The following NRXN1 variants were observed in gnomAD, a reference collection of about 807,000 sequenced individuals.
The protein encoded by NRXN1 is neurexin-1.
Under a neutral mutation model 150.9 loss-of-function variants are expected in NRXN1, and 39 were observed. The ratio of observed to expected loss-of-function variants is 0.26; its 90% confidence interval spans 0.20 to 0.34. The LOEUF is 0.34. Ranked by LOEUF, NRXN1 falls within the 10% of genes least tolerant of loss-of-function variation. The probability of loss-of-function intolerance (pLI) is 1.00; values close to 1 mark genes in which losing one functional copy is unlikely to be tolerated. For missense variants in NRXN1, 1,815 were observed against 1,949.9 expected, an observed-to-expected ratio of 0.93 and a Z score of 1.30; for synonymous variants, 924 against 757.0, an observed-to-expected ratio of 1.22 and a Z score of -3.62.
chr2:50,963,286 G>A (rs1021131706), intron 2 of NRXN1, among the ~76,000 whole-genome samples: 2 of 151,416 alleles, frequency 1.3e-5, no homozygotes, highest in Non-Finnish European at 3.0e-5. Flanking sequence ...ACTCAGACAT[G>A]GCCTTTCTAA....
At chr2:50,660,813 T>G (rs1687190512) in intron 5 of NRXN1, among the ~76,000 whole-genome samples, 2 of 152,010 alleles carry the variant, frequency 1.3e-5, no homozygotes, top group Non-Finnish European at 2.9e-5. Context: ...CATCAATATA[T>G]CCAACAAATA....
intron 18 of NRXN1, among the ~76,000 whole-genome samples, chr2:50,097,065 T>A (rs942356276): frequency 5.3e-5 from 8 of 152,162 alleles, no homozygotes; most frequent in Non-Finnish European, 8.8e-5. Flanking sequence ...CATACAGACA[T>A]GTTACATAAG....
chr2:50,661,943 C>T (rs1687363063), intron 5 of NRXN1, among the ~76,000 whole-genome samples: 1 of 152,048 alleles, frequency 6.6e-6, no homozygotes, highest in African/African-American at 2.4e-5. Context: ...TTGGTCTGTC[C>T]ATCACTGCAA....
chr2:50,558,898 C>T (rs1277037830), intron 8 of NRXN1, among the ~76,000 whole-genome samples: 4 of 151,946 alleles, frequency 2.6e-5, no homozygotes, highest in African/African-American at 4.8e-5. Context: ...CTGGCTAACA[C>T]GGTGAAACCC....
At chr2:49,924,052 T>C (rs532597838) in intron 22 of NRXN1, among the ~76,000 whole-genome samples, 2 of 152,352 alleles carry the variant, frequency 1.3e-5, no homozygotes, top group African/African-American at 4.8e-5. Context: ...TGTCACTACC[T>C]GACAAACCAA....
chr2:50,704,181 C>T (rs1188192122), intron 5 of NRXN1, among the ~76,000 whole-genome samples: 1 of 151,972 alleles, frequency 6.6e-6, no homozygotes, highest in Non-Finnish European at 1.5e-5. Context: ...GAATAGTATG[C>T]ATCCTCTTAT....
chr2:50,429,201 A>G (rs1021534904), intron 17 of NRXN1, among the ~76,000 whole-genome samples: 2 of 152,166 alleles, frequency 1.3e-5, no homozygotes, highest in African/African-American at 4.8e-5. Context: ...TGTTAAAAGT[A>G]TATAGAGTGT....
chr2:50,383,710 T>C (rs1048858380), intron 17 of NRXN1, among the ~76,000 whole-genome samples: 1 of 152,162 alleles, frequency 6.6e-6, no homozygotes, highest in Non-Finnish European at 1.5e-5. Flanking sequence ...TAATATACAT[T>C]TGACAAATCT....
At chr2:50,172,618 C>T (rs2060100210) in intron 18 of NRXN1, among the ~76,000 whole-genome samples, 1 of 152,150 alleles carries the variant, frequency 6.6e-6, no homozygotes. Context: ...CTGGCTTTCC[C>T]AAAACTCAAT....
intron 5 of NRXN1, among the ~76,000 whole-genome samples, chr2:50,753,939 T>C (rs1430302989): frequency 1.6e-5 from 2 of 122,386 alleles, no homozygotes. Context: ...TACATTTCAA[T>C]AAATTCATCA....
intron 22 of NRXN1, among the ~76,000 whole-genome samples, chr2:49,940,494 A>G (rs75217067): frequency 0.02 from 2,986 of 152,310 alleles, 105 homozygotes; most frequent in African/African-American, 0.066. Context: ...TAAGAAAACC[A>G]GTACATTAGG....
rs578050563 is a variant in NRXN1, at chr2:50,660,826, T to C, written c.833-37211A>G. ...TTCATCAATATATCCAACAAATATA[T>C]ATATGGTGTTTCAAATATGTGGTAG... On this transcript the variant is annotated intron_variant, in intron 5 of 22. Transcript: ENST00000401669. 3.3e-5 allele frequency among the ~76,000 whole-genome samples: 5 copies of C among 152,120 alleles called. No individual in the cohort carries two copies. In the South Asian group the frequency reaches 8.3e-4, roughly 25 times the overall value.
intron 22 of NRXN1, among the ~76,000 whole-genome samples, chr2:49,928,698 A>G (rs1302434934): frequency 6.6e-6 from 1 of 152,218 alleles, no homozygotes; most frequent in Non-Finnish European, 1.5e-5. Flanking sequence ...AGAAACAATT[A>G]TGATGCAATC....
At chr2:50,542,352 A>C (rs1314163473) in intron 9 of NRXN1, among the ~76,000 whole-genome samples, 1 of 152,126 alleles carries the variant, frequency 6.6e-6, no homozygotes, top group Non-Finnish European at 1.5e-5. Flanking sequence ...AAAAAGGGAT[A>C]TAATCCTACC....
At chr2:50,879,480 T>A (rs1444971030) in intron 5 of NRXN1, among the ~76,000 whole-genome samples, 1 of 152,008 alleles carries the variant, frequency 6.6e-6, no homozygotes, top group African/African-American at 2.4e-5. Context: ...AAATAAATGT[T>A]TTAATTTTTC....
At chr2:50,270,071 C>T (rs2069385930) in intron 17 of NRXN1, among the ~76,000 whole-genome samples, 1 of 152,128 alleles carries the variant, frequency 6.6e-6, no homozygotes, top group Non-Finnish European at 1.5e-5. Flanking sequence ...CACAGAACTT[C>T]CCCCATTATG....
rs946207291 is a variant in NRXN1, at chr2:50,347,495, C to T, written c.3365-110525G>A. The T allele has an allele frequency of 2.8e-6, 3 of 1,075,716 alleles. No homozygotes were observed. The highest frequency in any genetic ancestry group is 3.4e-6 in the Non-Finnish European group (3 of 883,148). The allele number at this position is 1,075,716 out of a possible 1,614,324, so 66.6% of individuals were successfully genotyped here. ...CCCCATGGAATCCAGGCGCCCCTTCCCTCCATTCAGCCCCGGCCGGCTCGC... is the reference window on the plus strand; with the variant it reads ...CCCCATGGAATCCAGGCGCCCCTTCTCTCCATTCAGCCCCGGCCGGCTCGC... On this transcript the variant is annotated intron_variant, in intron 17 of 22. Coordinates refer to ENST00000401669, the MANE Select transcript of NRXN1 (RefSeq NM_001330078.2). This position sits in a 1 kb window ranked among gnomAD's most constrained non-coding sequence, Gnocchi z 4.9.
At chr2:50,042,784 A>G (rs1348783360) in intron 21 of NRXN1, among the ~76,000 whole-genome samples, 2 of 152,200 alleles carry the variant, frequency 1.3e-5, no homozygotes, top group East Asian at 3.9e-4. Context: ...CTATCTATCT[A>G]TTTAAATGAA....
intron 21 of NRXN1, among the ~76,000 whole-genome samples, chr2:49,953,731 A>G (rs1235208831): frequency 6.6e-6 from 1 of 152,028 alleles, no homozygotes; most frequent in African/African-American, 2.4e-5. Context: ...AAGGGAGTCA[A>G]ATTTCATATG....
Sources: allele counts gnomAD v4.1 joint callset (sites outside exome capture counted in the v4.1 genomes callset), GRCh38; gene constraint gnomAD v4.1.1; non-coding constraint Gnocchi (gnomAD v3.1); transcripts MANE v1.5; gene names NCBI Gene and HGNC (gene_info 2026-07-23, HGNC 2026-07-21).